TAF12: variants seen among roughly 807,000 people sequenced by gnomAD.
TAF12 encodes the protein TATA-box binding protein associated factor 12.
In TAF12, 3 loss-of-function variants were observed where a neutral mutation model predicts 20.8. The ratio of observed to expected loss-of-function variants is 0.14; its 90% CI spans 0.07 to 0.37. The LOEUF is 0.37. TAF12 is among the 10% of genes least tolerant of loss of function. The pLI, the probability that TAF12 is intolerant of heterozygous loss-of-function variation, is 1.00. For synonymous variants in TAF12, 69 were observed against 70.2 expected (o/e 0.98, Z 0.09); for missense variants, 131 against 197.9 (o/e 0.66, Z 2.03).
At chr1:28,614,973 G>A (rs1666981512) in intron 3 of TAF12, among the ~76,000 whole-genome samples, 3 of 152,082 alleles carry the variant, frequency 2.0e-5, no homozygotes, top group Non-Finnish European at 4.4e-5. Flanking sequence ...GCTGGGCTTG[G>A]TGGCATGCAC....
chr1:28,614,055 T>C (rs1666951252), intron 3 of TAF12, among the ~76,000 whole-genome samples: 1 of 151,368 alleles, frequency 6.6e-6, no homozygotes, highest in Non-Finnish European at 1.5e-5. Flanking sequence ...CTGGCCAACA[T>C]GGTGAAACCC....
intron 4 of TAF12, among the ~76,000 whole-genome samples, chr1:28,610,103 G>A (rs1352063643): frequency 6.6e-6 from 1 of 151,254 alleles, no homozygotes; most frequent in Admixed American, 6.6e-5. Flanking sequence ...TCAGACTCCC[G>A]AGTAGCTAGG....
chr1:28,604,295 C>T (rs927633701), intron 5 of TAF12, among the ~76,000 whole-genome samples: 1 of 152,174 alleles, frequency 6.6e-6, no homozygotes, highest in Non-Finnish European at 1.5e-5. Flanking sequence ...AGTGTTGCCA[C>T]ACACAAAGGG....
At chr1:28,630,483 C>T (rs1211933383) in intron 1 of TAF12, among the ~76,000 whole-genome samples, 1 of 151,614 alleles carries the variant, frequency 6.6e-6, no homozygotes, top group East Asian at 2.0e-4. Context: ...ACCCGGGAGG[C>T]GGAGGTTGCA....
intron 3 of TAF12, among the ~76,000 whole-genome samples, chr1:28,614,718 C>A (rs1405602988): frequency 6.6e-6 from 1 of 151,420 alleles, no homozygotes; most frequent in Non-Finnish European, 1.5e-5. Flanking sequence ...AGGATGCCAC[C>A]TCAAGCGTTC....
intron 4 of TAF12, among the ~76,000 whole-genome samples, chr1:28,607,332 G>A (rs1012114270): frequency 6.6e-6 from 1 of 151,344 alleles, no homozygotes; most frequent in Non-Finnish European, 1.5e-5. Flanking sequence ...AGGAGTTCAA[G>A]ACCAGTGTAG....
At chr1:28,631,175 A>C (rs1315119558) in intron 1 of TAF12, among the ~76,000 whole-genome samples, 1 of 152,050 alleles carries the variant, frequency 6.6e-6, no homozygotes, top group Admixed American at 6.6e-5. Context: ...GGGGAGGAAA[A>C]AATTTTTTTT....
intron 4 of TAF12, among the ~76,000 whole-genome samples, chr1:28,611,047 A>G (rs1179351484): frequency 6.6e-6 from 1 of 151,880 alleles, no homozygotes; most frequent in African/African-American, 2.4e-5. Context: ...CTCAAAGAAT[A>G]GAATTCACCA....
chr1:28,631,798 A>C (rs1375022983), intron 1 of TAF12, among the ~76,000 whole-genome samples: 1 of 152,194 alleles, frequency 6.6e-6, no homozygotes, highest in Non-Finnish European at 1.5e-5. Context: ...AAAACATGAT[A>C]TACCTATATA....
rs755173784 is a variant in TAF12, at chr1:28,622,049, GT to G, written c.32del (p.Asn11ThrfsTer8). On this transcript the variant is annotated frameshift_variant, in exon 2 of 6. Transcript: ENST00000373824. LOFTEE classifies it high-confidence loss of function. ...GTTTTATGGATGAGAAATTGGAGAG[GT>G]TGATTAGGGCTGAGGGGCCAAACTG... MNQFGPSALI[N>X]LSNFSSIKPE... The G allele has an allele frequency of 8.7e-6, 14 of 1,613,780 alleles. No individual in the cohort carries two copies. The highest frequency in any genetic ancestry group is 1.2e-5 in the Non-Finnish European group (14 of 1,180,012).
chr1:28,631,518 CCTT>C (rs1163383247), intron 1 of TAF12, among the ~76,000 whole-genome samples: 1 of 150,512 alleles, frequency 6.6e-6, no homozygotes, highest in Non-Finnish European at 1.5e-5. Flanking sequence ...GAACAAGACT[CCTT>C]CTCTCCAAAA....
At chr1:28,613,397 T>C in intron 3 of TAF12, 36 bp from the exon 4 acceptor site, 4 of 1,558,870 alleles carry the variant, frequency 2.6e-6, no homozygotes, top group Non-Finnish European at 3.5e-6. Flanking sequence ...CAGCACGACA[T>C]TGGCAGGGTA....
At chr1:28,641,657 G>C (rs1668037540) in intron 1 of TAF12, among the ~76,000 whole-genome samples, 1 of 151,948 alleles carries the variant, frequency 6.6e-6, no homozygotes, top group African/African-American at 2.4e-5. Context: ...AGCAGGGCGT[G>C]GTGGCACACG....
chr1:28,629,065 C>T (rs917331304), intron 1 of TAF12, among the ~76,000 whole-genome samples: 17 of 152,212 alleles, frequency 1.1e-4, no homozygotes, highest in South Asian at 6.2e-4. Flanking sequence ...AGCAAGACTC[C>T]GTCTCAAATA....
intron 1 of TAF12, among the ~76,000 whole-genome samples, chr1:28,626,123 C>T (rs1192950079): frequency 1.3e-5 from 2 of 151,754 alleles, no homozygotes; most frequent in African/African-American, 2.4e-5. Context: ...GGATTACAGG[C>T]GCACACCACC....
chr1:28,633,040 TA>T (rs2124370773), intron 1 of TAF12, among the ~76,000 whole-genome samples: 1 of 151,900 alleles, frequency 6.6e-6, no homozygotes, highest in African/African-American at 2.4e-5. Context: ...TTTTTTTTTT[TA>T]TTTAGTACAG....
Position 28,622,108 on chromosome 1 carries a change from C to A in TAF12, c.-27G>T. 1 of 1,594,974 alleles carries A rather than the reference C, an allele frequency of 6.3e-7. No homozygotes were observed. Among genetic ancestry groups the A allele is most frequent in the South Asian group, 1.1e-5 (1 of 88,448 alleles). On this transcript the variant is annotated 5_prime_UTR_variant, in exon 2 of 6. The change abolishes an upstream ATG in the 5' untranslated region. Coordinates refer to ENST00000373824, the MANE Select transcript of TAF12 (RefSeq NM_005644.4). ...ATCTGCCGAGCTTTGGACTTCAGCT[C>A]ATAGAGCTTATCGAGATCCTGTTTC...
intron 1 of TAF12, among the ~76,000 whole-genome samples, chr1:28,637,997 AATT>A (rs1292213805): frequency 1.3e-5 from 2 of 151,674 alleles, no homozygotes; most frequent in Non-Finnish European, 2.9e-5. Flanking sequence ...TTTTTTGTTT[AATT>A]ATTATTATTA....
upstream of TAF12, among the ~76,000 whole-genome samples, chr1:28,645,457 G>A (rs1668162526): frequency 6.8e-6 from 1 of 147,082 alleles, no homozygotes; most frequent in Non-Finnish European, 1.5e-5. Context: ...AGATCATCCT[G>A]GCCAAAATAG....
Sources: allele counts gnomAD v4.1 joint callset (sites outside exome capture counted in the v4.1 genomes callset), GRCh38; gene constraint gnomAD v4.1.1; transcripts MANE v1.5; gene names NCBI Gene and HGNC (gene_info 2026-07-23, HGNC 2026-07-21).